ROR2: variants seen among roughly 807,000 people sequenced by gnomAD.
ROR2 encodes tyrosine-protein kinase transmembrane receptor ROR2.
Under a neutral mutation model 74.9 loss-of-function variants are expected in ROR2, and 33 were observed. That is an observed-to-expected ratio of 0.44 (90% confidence interval 0.33 to 0.59). ROR2 has a LOEUF of 0.59. ROR2 is among the 20% of genes least tolerant of loss of function. ROR2 has a pLI of 0.02. For synonymous variants in ROR2, 586 were observed against 558.7 expected (o/e 1.05, Z -0.69); for missense variants, 1,216 against 1,313.8 (o/e 0.93, Z 1.15).
chr9:91,780,494 A>G (rs1024838326), intron 1 of ROR2, among the ~76,000 whole-genome samples: 2 of 152,220 alleles, frequency 1.3e-5, no homozygotes, highest in African/African-American at 2.4e-5. Flanking sequence ...CATCAACAAG[A>G]TAAGATTAAT....
At position 91,764,559 on chromosome 9, in the gene ROR2, T is replaced by TACACACACACACACACACAC. The variant is rs11405599; in HGVS notation, c.176-7020_176-7001dup. On this transcript the variant is annotated intron_variant, in intron 2 of 8. Transcript: ENST00000375708. ...TTAAATGCTATGAGCTATAATCACT[T>TACACACACACACACACACAC]ACACACACACACACACACACACACA... Among the ~76,000 whole-genome samples the TACACACACACACACACACAC allele has an allele frequency of 4.0e-3, 586 of 147,684 alleles. 5 individuals are homozygous for TACACACACACACACACACAC. Among genetic ancestry groups the TACACACACACACACACACAC allele is most frequent in the East Asian group, 0.019 (97 of 5,036 alleles).
chr9:91,779,188 G>C (rs559245110), intron 1 of ROR2, among the ~76,000 whole-genome samples: 32 of 152,176 alleles, frequency 2.1e-4, no homozygotes, highest in African/African-American at 7.5e-4. Context: ...GGGGAAACTG[G>C]GTGTGGGGTG....
chr9:91,766,208 G>A (rs1253728039), intron 2 of ROR2, among the ~76,000 whole-genome samples: 1 of 152,188 alleles, frequency 6.6e-6, no homozygotes, highest in Admixed American at 6.5e-5. Context: ...CTGTTGGTGA[G>A]CTCATGTTAC....
intron 2 of ROR2, among the ~76,000 whole-genome samples, chr9:91,759,210 G>A (rs142492538): frequency 1.3e-5 from 2 of 151,582 alleles, no homozygotes; most frequent in Non-Finnish European, 2.9e-5. Flanking sequence ...AGGTGATGGA[G>A]AGGTGGGGGA....
chr9:91,933,140 GTC>G (rs1396599403), intron 1 of ROR2, among the ~76,000 whole-genome samples: 4 of 151,930 alleles, frequency 2.6e-5, no homozygotes, highest in Non-Finnish European at 5.9e-5. Context: ...GTCAAACTCC[GTC>G]TCTACCAAAA....
At chr9:91,790,347 A>C (rs1312967732) in intron 1 of ROR2, among the ~76,000 whole-genome samples, 1 of 151,872 alleles carries the variant, frequency 6.6e-6, no homozygotes, top group East Asian at 1.9e-4. Context: ...CTGAAAAAAA[A>C]AAAAATACAA....
intron 1 of ROR2, among the ~76,000 whole-genome samples, chr9:91,858,392 C>G (rs1007027521): frequency 2.0e-5 from 3 of 151,778 alleles, no homozygotes; most frequent in African/African-American, 7.2e-5. Flanking sequence ...CACATTCACA[C>G]AGGCATACAT....
chr9:91,776,496 G>C (rs1483919201), intron 1 of ROR2, among the ~76,000 whole-genome samples: 2 of 152,046 alleles, frequency 1.3e-5, no homozygotes, highest in Non-Finnish European at 1.5e-5. Context: ...ACCTCTCCCG[G>C]GGCAATCCTA....
In ROR2 at chr9:91,874,804, G is replaced by A. The variant is rs1003333989; in HGVS notation, c.97+75063C>T. 4.6e-5 allele frequency among the ~76,000 whole-genome samples: 7 copies of A among 152,108 alleles called. 1 individual carries two copies. The South Asian group carries it at 1.2e-3, about 27-fold the overall frequency. On this transcript the variant is annotated intron_variant, in intron 1 of 8. Coordinates refer to ENST00000375708, the MANE Select transcript of ROR2 (RefSeq NM_004560.4). Reference sequence around the variant, plus strand: ...TACAAAATTAGCCAGGCATGGTGGCGAATGCCTGTAATCCCAGCTACTCGG... The same window carrying A: ...TACAAAATTAGCCAGGCATGGTGGCAAATGCCTGTAATCCCAGCTACTCGG...
At chr9:91,923,270 T>C (rs1327972396) in intron 1 of ROR2, among the ~76,000 whole-genome samples, 3 of 152,168 alleles carry the variant, frequency 2.0e-5, no homozygotes, top group African/African-American at 7.2e-5. Flanking sequence ...AGTGTCTCTA[T>C]CTCCACTGTC....
At chr9:91,740,652 A>T (rs1209734002) in intron 4 of ROR2, among the ~76,000 whole-genome samples, 1 of 151,804 alleles carries the variant, frequency 6.6e-6, no homozygotes, top group African/African-American at 2.4e-5. Flanking sequence ...TTGCTTTTGA[A>T]TTGTCTGAGA....
chr9:91,920,357 T>C (rs1300944913), intron 1 of ROR2, among the ~76,000 whole-genome samples: 2 of 152,034 alleles, frequency 1.3e-5, no homozygotes, highest in East Asian at 3.9e-4. Flanking sequence ...TATTTAAAAG[T>C]TAGCTGGGCA....
chr9:91,926,158 G>C (rs1831390003), intron 1 of ROR2, among the ~76,000 whole-genome samples: 1 of 151,904 alleles, frequency 6.6e-6, no homozygotes, highest in African/African-American at 2.4e-5. Context: ...GAGGCGGGAG[G>C]ATCATGAGGT....
In ROR2 at chr9:91,740,638, A is replaced by G. The variant is rs184616848; in HGVS notation, c.495-3120T>C. Among the ~76,000 whole-genome samples, 12 of 151,792 alleles carry G rather than the reference A, an allele frequency of 7.9e-5. No individual in the cohort carries two copies. In the East Asian group the frequency reaches 2.3e-3, roughly 29 times the overall value. On this transcript the variant is annotated intron_variant, in intron 4 of 8. Transcript: ENST00000375708. ...CAGATAGAAGTGCTTGGAAAATGGC[A>G]TCTTTGCTTTTGAATTGTCTGAGAA...
At chr9:91,870,478 C>A (rs191484044) in intron 1 of ROR2, among the ~76,000 whole-genome samples, 16 of 152,324 alleles carry the variant, frequency 1.1e-4, no homozygotes, top group African/African-American at 3.4e-4. Context: ...ACATCTATCA[C>A]TTAACAAAGA....
rs543425831 is a variant in ROR2, at chr9:91,937,912, C to T, written c.97+11955G>A. On this transcript the variant is annotated intron_variant, in intron 1 of 8. Transcript: ENST00000375708. Reference sequence around the variant, plus strand: ...ATTTTTATTTTTGTAGAAACAGGGTCTTGCTATGTTGCCCAGGCTGGTCTC... The same window carrying T: ...ATTTTTATTTTTGTAGAAACAGGGTTTTGCTATGTTGCCCAGGCTGGTCTC... Among the ~76,000 whole-genome samples the T allele has an allele frequency of 3.3e-5, 5 of 152,256 alleles. No individual in the cohort carries two copies. The South Asian group carries it at 1.0e-3, about 32-fold the overall frequency.
Position 91,781,945 on chromosome 9 carries a change from C to T in ROR2, c.98-6127G>A, listed in dbSNP as rs1826633491. ...AGCTCTTTCTACTTTCTGTCTCTGA[C>T]AGCCCCCAGAGCCCCCAACAAAAGC... On this transcript the variant is annotated intron_variant, in intron 1 of 8. Transcript: ENST00000375708. 3.3e-5 allele frequency among the ~76,000 whole-genome samples: 5 copies of T among 152,248 alleles called. No individual in the cohort carries two copies. The South Asian group carries it at 1.0e-3, about 31-fold the overall frequency.
In ROR2 at chr9:91,788,282, G is replaced by GA. The variant is rs535176632; in HGVS notation, c.98-12465dup. Among the ~76,000 whole-genome samples, 6 of 149,528 alleles carry GA rather than the reference G, an allele frequency of 4.0e-5. No individual in the cohort carries two copies. In the South Asian group the frequency reaches 1.3e-3, roughly 32 times the overall value. The stretch of plus-strand genomic sequence containing the variant: ...TCCAGTAAGAGAAGAGAAAGAAGGA[G>GA]AAAAAAATACTTGAAGAAAACATAA... On this transcript the variant is annotated intron_variant, in intron 1 of 8. Transcript: ENST00000375708.
At chr9:91,921,970 C>T (rs181269997) in intron 1 of ROR2, among the ~76,000 whole-genome samples, 10 of 144,184 alleles carry the variant, frequency 6.9e-5, no homozygotes, top group Admixed American at 2.0e-4. Flanking sequence ...AAAAAATACA[C>T]AACTGGCCAA....
Sources: allele counts gnomAD v4.1 joint callset (sites outside exome capture counted in the v4.1 genomes callset), GRCh38; gene constraint gnomAD v4.1.1; transcripts MANE v1.5; gene names NCBI Gene and HGNC (gene_info 2026-07-23, HGNC 2026-07-21).